Variants in PRPSAP2 observed in about 807,000 individuals in gnomAD.
PRPSAP2 encodes phosphoribosyl pyrophosphate synthase-associated protein 2.
Under a neutral mutation model 40.6 loss-of-function variants are expected in PRPSAP2, and 24 were observed. The observed-to-expected ratio is 0.59, with a 90% CI of 0.43 to 0.83. The LOEUF (loss-of-function observed/expected upper bound fraction) is 0.83, where lower values mean the gene tolerates loss of function less well. Among genes scored for constraint, PRPSAP2 ranks in the 40% least tolerant of loss-of-function variants. The pLI is 0.00. For synonymous variants in PRPSAP2, 149 were observed against 164.7 expected, an observed-to-expected ratio of 0.90 and a Z score of 0.73; for missense variants, 292 against 465.6, an observed-to-expected ratio of 0.63 and a Z score of 3.43.
intron 8 of PRPSAP2, among the ~76,000 whole-genome samples, chr17:18,902,825 C>G (rs1281913057): frequency 1.5e-5 from 2 of 136,552 alleles, no homozygotes; most frequent in Non-Finnish European, 3.1e-5. Context: ...GTCAGGATTG[C>G]GCCATTGTAC....
Position 18,930,711 on chromosome 17 carries a change from G to A in PRPSAP2, c.*13G>A, listed in dbSNP as rs765582662. On this transcript the variant is annotated 3_prime_UTR_variant, in exon 12 of 12. Coordinates refer to ENST00000268835, the MANE Select transcript of PRPSAP2 (RefSeq NM_002767.4). ...CTTAGATGACTGAGTTTTCCTTTAG[G>A]AAAACTCCCGAGGGCCAAACTGGAA... 2 of 1,596,670 alleles carry A rather than the reference G, an allele frequency of 1.3e-6. No individual in the cohort carries two copies. The highest frequency in any genetic ancestry group is 1.8e-4 in the Middle Eastern group (1 of 5,428).
chr17:18,913,225 C>T (rs2041070362), intron 9 of PRPSAP2, among the ~76,000 whole-genome samples: 1 of 152,152 alleles, frequency 6.6e-6, no homozygotes, highest in Non-Finnish European at 1.5e-5. Context: ...TTTGGGGCAT[C>T]CTTTGAAGTC....
chr17:18,871,392 T>C (rs565789914), intron 4 of PRPSAP2, among the ~76,000 whole-genome samples: 1 of 152,246 alleles, frequency 6.6e-6, no homozygotes, highest in African/African-American at 2.4e-5. Context: ...AGGGATTTTT[T>C]TTAAAAAATA....
intron 8 of PRPSAP2, chr17:18,908,771 G>T: frequency 1.4e-6 from 1 of 705,996 alleles, no homozygotes; most frequent in Admixed American, 2.2e-5. Context: ...AGAAAGGATC[G>T]GGCAAAAACG....
intron 4 of PRPSAP2, among the ~76,000 whole-genome samples, chr17:18,869,886 TGCCCAG>T (rs1252633415): frequency 4.3e-5 from 5 of 117,628 alleles, no homozygotes; most frequent in African/African-American, 1.7e-4. Context: ...CTTGCTCCAT[TGCCCAG>T]GCTGGAGTAC....
chr17:18,871,746 C>T (rs988337103), intron 4 of PRPSAP2, among the ~76,000 whole-genome samples: 16 of 151,628 alleles, frequency 1.1e-4, no homozygotes, highest in South Asian at 2.1e-4. Flanking sequence ...CCGCAACCTC[C>T]GCCTCCTGGG....
intron 6 of PRPSAP2, among the ~76,000 whole-genome samples, chr17:18,879,539 C>T (rs1195903703): frequency 2.6e-5 from 4 of 152,014 alleles, no homozygotes; most frequent in African/African-American, 7.2e-5. Flanking sequence ...CCGCAACCTC[C>T]ACTTCCTGGG....
At chr17:18,886,908 C>G (rs1285981454) in intron 7 of PRPSAP2, among the ~76,000 whole-genome samples, 4 of 146,990 alleles carry the variant, frequency 2.7e-5, no homozygotes, top group African/African-American at 1.0e-4. Context: ...TTTCTGCATA[C>G]ATGATAATTT....
intron 11 of PRPSAP2, 58 bp from the exon 12 acceptor site, chr17:18,930,482 C>G: frequency 1.3e-6 from 2 of 1,540,360 alleles, no homozygotes; most frequent in Non-Finnish European, 1.8e-6. Context: ...ATTTCCAGAT[C>G]AAACCATGAA....
intron 7 of PRPSAP2, among the ~76,000 whole-genome samples, chr17:18,887,527 C>A (rs8071458): frequency 0.53 from 80,308 of 151,928 alleles, 21,480 homozygotes; most frequent in Middle Eastern, 0.6. Flanking sequence ...CCGTGCCTGG[C>A]CATCTTTGGG....
chr17:18,863,831 CT>C (rs34770102), intron 1 of PRPSAP2, among the ~76,000 whole-genome samples: 89 of 86,056 alleles, frequency 1.0e-3, no homozygotes, highest in East Asian at 2.3e-3. Context: ...ACTGCGTGGC[CT>C]TTTTTTTTTT....
rs189731443 is a variant in PRPSAP2, at chr17:18,868,815, C to G, written c.172+1481C>G. Among the ~76,000 whole-genome samples, 21 of 152,000 alleles carry G rather than the reference C, an allele frequency of 1.4e-4. No individual in the cohort carries two copies. In the East Asian group the frequency reaches 3.1e-3, roughly 22 times the overall value. On this transcript the variant is annotated intron_variant, in intron 4 of 11. Transcript: ENST00000268835. ...AAAGCAGTTCTCCTATTTCAGCCCC[C>G]CAAAGTGCTAGGATTACAGGTGTGA...
intron 6 of PRPSAP2, among the ~76,000 whole-genome samples, chr17:18,878,972 C>T (rs1382774686): frequency 1.3e-5 from 2 of 151,796 alleles, no homozygotes; most frequent in Non-Finnish European, 2.9e-5. Flanking sequence ...TGGGTTCAAG[C>T]GATTTTTGTA....
At chr17:18,890,713 C>T (rs1004445698) in intron 8 of PRPSAP2, among the ~76,000 whole-genome samples, 6 of 152,172 alleles carry the variant, frequency 3.9e-5, no homozygotes, top group African/African-American at 9.6e-5. Flanking sequence ...TTGAGTCTGG[C>T]GTTTACAGTA....
At chr17:18,883,756 T>C (rs1382660301) in intron 7 of PRPSAP2, among the ~76,000 whole-genome samples, 1 of 152,160 alleles carries the variant, frequency 6.6e-6, no homozygotes, top group Non-Finnish European at 1.5e-5. Flanking sequence ...TTTACAGTAC[T>C]GTATTTAAAA....
chr17:18,892,196 A>G (rs1377909253), intron 8 of PRPSAP2, among the ~76,000 whole-genome samples: 1 of 151,838 alleles, frequency 6.6e-6, no homozygotes, highest in Non-Finnish European at 1.5e-5. Context: ...ATTGCATTGT[A>G]TGTGTATACT....
At chr17:18,901,226 T>G (rs867262056) in intron 8 of PRPSAP2, among the ~76,000 whole-genome samples, 3 of 152,198 alleles carry the variant, frequency 2.0e-5, no homozygotes, top group African/African-American at 7.2e-5. Flanking sequence ...GTTGGAGCTT[T>G]TCTTGTCTTT....
At chr17:18,919,055 G>A (rs562460536) in intron 9 of PRPSAP2, among the ~76,000 whole-genome samples, 46 of 152,260 alleles carry the variant, frequency 3.0e-4, no homozygotes, top group African/African-American at 1.1e-3. Context: ...AGAGCACATT[G>A]AGAAATGTTA....
intron 6 of PRPSAP2, among the ~76,000 whole-genome samples, chr17:18,882,144 G>A (rs1023028164): frequency 6.6e-6 from 1 of 152,144 alleles, no homozygotes; most frequent in Non-Finnish European, 1.5e-5. Context: ...CGGCTGGAGA[G>A]CAATTTTTTA....
Sources: allele counts gnomAD v4.1 joint callset (sites outside exome capture counted in the v4.1 genomes callset), GRCh38; gene constraint gnomAD v4.1.1; transcripts MANE v1.5; gene names NCBI Gene and HGNC (gene_info 2026-07-23, HGNC 2026-07-21).